The following ANKHD1 variants were observed in gnomAD, a reference collection of about 807,000 sequenced individuals.
ANKHD1 encodes ankyrin repeat and KH domain containing 1.
In ANKHD1, 31 loss-of-function variants were observed where a neutral mutation model predicts 230.5. The ratio of observed to expected loss-of-function variants is 0.13; its 90% CI spans 0.10 to 0.18. The LOEUF (loss-of-function observed/expected upper bound fraction) is 0.18, where lower values mean the gene tolerates loss of function less well. ANKHD1 is among the 10% of genes least tolerant of loss of function. ANKHD1 has a pLI of 1.00. For missense variants in ANKHD1, 2,256 were observed against 3,071.3 expected (o/e 0.73, Z 6.27); for synonymous variants, 1,074 against 1,117.6 (o/e 0.96, Z 0.78).
chr5:140,519,288 C>T (rs1430334625), intron 24 of ANKHD1, among the ~76,000 whole-genome samples: 2 of 152,176 alleles, frequency 1.3e-5, no homozygotes, highest in African/African-American at 4.8e-5. Context: ...AGGATACAAA[C>T]AAATGGAAGA....
In ANKHD1 at chr5:140,459,268, G is replaced by T. The variant is rs756041971; in HGVS notation, c.1585G>T (p.Ala529Ser). 2.5e-6 allele frequency: 4 copies of T among 1,603,758 alleles called. No individual in the cohort carries two copies. Among genetic ancestry groups the T allele is most frequent in the East Asian group, 2.2e-5 (1 of 44,754 alleles). Residue 529 changes from alanine to serine, a missense_variant, in exon 9 of 34, where the codon GCT becomes TCT. Physicochemically the swap from Ala to Ser is moderately conservative, Grantham distance 99. This residue lies in a region of ANKHD1 where 179 missense variants were observed against 261.8 expected (regional missense o/e 0.68). Transcript: ENST00000360839. ...EVADFLIKAG[A>S]DIELGCSTPL... is the part of the protein sequence containing the mutation. ...TGCAGACTTTCTTATTAAGGCAGGG[G>T]CTGATATAGAACTTGGCTGCTCCAC...
chr5:140,425,522 G>T (rs1581225974), intron 1 of ANKHD1, among the ~76,000 whole-genome samples: 1 of 151,794 alleles, frequency 6.6e-6, no homozygotes, highest in Non-Finnish European at 1.5e-5. Flanking sequence ...GCCTCGCTAA[G>T]TGCTGGGATT....
At chr5:140,514,699 G>A (rs1018657836) in intron 24 of ANKHD1, among the ~76,000 whole-genome samples, 28 of 151,862 alleles carry the variant, frequency 1.8e-4, no homozygotes, top group Non-Finnish European at 2.5e-4. Context: ...GGCTGGGAGC[G>A]GTAGCTCACA....
intron 9 of ANKHD1, among the ~76,000 whole-genome samples, chr5:140,461,993 A>G (rs1581284360): frequency 1.3e-5 from 2 of 149,242 alleles, no homozygotes; most frequent in South Asian, 2.1e-4. Flanking sequence ...CATTTTTCTT[A>G]TCTTTCTTCT....
chr5:140,489,590 T>C (rs1751678686), intron 14 of ANKHD1, among the ~76,000 whole-genome samples: 1 of 152,250 alleles, frequency 6.6e-6, no homozygotes, highest in Non-Finnish European at 1.5e-5. Flanking sequence ...TTAGGTTTAA[T>C]ATGTAAATAC....
intron 1 of ANKHD1, among the ~76,000 whole-genome samples, chr5:140,416,938 A>G (rs2126861647): frequency 6.6e-6 from 1 of 152,064 alleles, no homozygotes; most frequent in East Asian, 1.9e-4. Flanking sequence ...TTGGATGAGA[A>G]AAACTTTTAA....
At chr5:140,468,298 C>T (rs993270737) in intron 10 of ANKHD1, among the ~76,000 whole-genome samples, 4 of 151,084 alleles carry the variant, frequency 2.6e-5, no homozygotes, top group Non-Finnish European at 5.9e-5. Context: ...AAAACAAAAA[C>T]GTAGTTTATC....
chr5:140,510,858 T>G (rs1271179685), intron 22 of ANKHD1, among the ~76,000 whole-genome samples: 2 of 152,072 alleles, frequency 1.3e-5, no homozygotes, highest in Non-Finnish European at 2.9e-5. Context: ...GGTCTCAGTC[T>G]GTCAACCAGG....
chr5:140,532,294 A>C (rs542325305), intron 29 of ANKHD1, among the ~76,000 whole-genome samples: 1 of 152,316 alleles, frequency 6.6e-6, no homozygotes, highest in African/African-American at 2.4e-5. Context: ...AGCCAGTCAC[A>C]AAAGACCAGA....
intron 24 of ANKHD1, among the ~76,000 whole-genome samples, chr5:140,518,061 A>T (rs2127071898): frequency 6.6e-6 from 1 of 152,254 alleles, no homozygotes; most frequent in Admixed American, 6.5e-5. Flanking sequence ...TAATAAAGAA[A>T]AAAAGAAGAA....
intron 7 of ANKHD1, among the ~76,000 whole-genome samples, chr5:140,456,727 A>C (rs1456125086): frequency 6.6e-6 from 1 of 152,228 alleles, no homozygotes; most frequent in Non-Finnish European, 1.5e-5. Flanking sequence ...TAAAGACTTA[A>C]ATGTTAGACC....
At chr5:140,515,797 C>T (rs1011205898) in intron 24 of ANKHD1, among the ~76,000 whole-genome samples, 4 of 152,174 alleles carry the variant, frequency 2.6e-5, no homozygotes, top group Non-Finnish European at 5.9e-5. Context: ...CCCATCTGTA[C>T]ATCACCATCA....
At chr5:140,504,609 A>G (rs1752468539) in intron 15 of ANKHD1, among the ~76,000 whole-genome samples, 1 of 152,194 alleles carries the variant, frequency 6.6e-6, no homozygotes, top group Admixed American at 6.5e-5. Context: ...ATATAGGGAA[A>G]ATTGAAGCTC....
chr5:140,538,056 T>C (rs1754157463), intron 31 of ANKHD1, 30 bp from the exon 32 acceptor site: 1 of 1,579,884 alleles, frequency 6.3e-7, no homozygotes, highest in Non-Finnish European at 8.6e-7. Flanking sequence ...CAAATAAATT[T>C]AAAACTTTGT....
chr5:140,408,601 T>C (rs1770668054), intron 1 of ANKHD1, among the ~76,000 whole-genome samples: 1 of 152,240 alleles, frequency 6.6e-6, no homozygotes, highest in South Asian at 2.1e-4. Context: ...AGAAATCCCA[T>C]CCTGATTTTC....
chr5:140,505,649 A>C, intron 17 of ANKHD1, 75 bp from the exon 18 acceptor site: 3 of 1,510,644 alleles, frequency 2.0e-6, no homozygotes, highest in Non-Finnish European at 2.6e-6. Flanking sequence ...CTAAAATACT[A>C]GAGAATTGTA....
chr5:140,402,179 G>A lies in ANKHD1; in HGVS notation c.212G>A (p.Gly71Glu). 1 of 1,524,308 alleles carries A rather than the reference G, an allele frequency of 6.6e-7. No homozygotes were observed. Among genetic ancestry groups the A allele is most frequent in the Non-Finnish European group, 8.8e-7 (1 of 1,140,518 alleles). The allele number at this position is 1,524,308 out of a possible 1,614,324, so 94.4% of individuals were successfully genotyped here. The change falls in exon 1 of 34, where the codon GGG becomes GAG. Residue 71 changes from glycine (G) to glutamate (E), a missense_variant. This residue lies in a region of ANKHD1 where 193 missense variants were observed against 185.8 expected (regional missense o/e 1.04). Transcript: ENST00000360839. ...GGCAGCGGCAGCGGTACGGGCGGAG[G>A]GGACGCGGCGCTGGATTTCAAGTTG... ...GGGSGSGTGG[G>E]DAALDFKLAA...
intron 1 of ANKHD1, among the ~76,000 whole-genome samples, chr5:140,419,784 T>TTCTCTCTC (rs1554084045): frequency 2.9e-5 from 2 of 68,606 alleles, no homozygotes; most frequent in African/African-American, 1.1e-4. Flanking sequence ...TTTTCTTTCT[T>TTCTCTCTC]TCTTTCTTTC....
intron 29 of ANKHD1, among the ~76,000 whole-genome samples, chr5:140,533,463 G>T (rs1399860789): frequency 1.3e-5 from 2 of 152,094 alleles, no homozygotes; most frequent in Non-Finnish European, 2.9e-5. Context: ...GCCAGGCGTG[G>T]TCGCAGGCAC....
Sources: gnomAD v4.1 joint callset for allele counts (sites outside exome capture counted in the v4.1 genomes callset) on GRCh38, gnomAD v4.1.1 for gene constraint, gnomAD v4.1.1 regional missense constraint, MANE v1.5 for transcripts, NCBI Gene and HGNC (gene_info 2026-07-23, HGNC 2026-07-21) for gene names.